Variants in DENND5A observed in about 807,000 individuals in gnomAD.
The protein encoded by DENND5A is DENN domain-containing protein 5A.
DENND5A carries 64 observed loss-of-function variants against 140.3 expected under a neutral mutation model. That is an observed-to-expected ratio of 0.46 (90% CI 0.37 to 0.56). DENND5A has a LOEUF of 0.56. Ranked by LOEUF, DENND5A falls within the 20% of genes least tolerant of loss-of-function variation. The pLI is 0.00. For missense variants in DENND5A, 1,292 were observed against 1,593.8 expected, an observed-to-expected ratio of 0.81 and a Z score of 3.22; for synonymous variants, 605 against 607.7, an observed-to-expected ratio of 1.00 and a Z score of 0.07.
intron 5 of DENND5A, among the ~76,000 whole-genome samples, chr11:9,188,005 C>A (rs1848977867): frequency 6.6e-6 from 1 of 152,136 alleles, no homozygotes; most frequent in Admixed American, 6.5e-5. Flanking sequence ...TGATGATGCC[C>A]CCTTATACGG....
intron 1 of DENND5A, among the ~76,000 whole-genome samples, chr11:9,257,545 G>C (rs1367500574): frequency 7.3e-6 from 1 of 137,066 alleles, no homozygotes; most frequent in Non-Finnish European, 1.5e-5. Context: ...GCACTGGCTC[G>C]ATCTCGGCTC....
chr11:9,241,306 C>T (rs947292920), intron 1 of DENND5A, among the ~76,000 whole-genome samples: 1 of 152,160 alleles, frequency 6.6e-6, no homozygotes, highest in African/African-American at 2.4e-5. Flanking sequence ...GGCTTGTTAA[C>T]ATACAGGTTT....
At chr11:9,225,880 G>C (rs943617061) in intron 1 of DENND5A, among the ~76,000 whole-genome samples, 1 of 152,146 alleles carries the variant, frequency 6.6e-6, no homozygotes, top group African/African-American at 2.4e-5. Context: ...AGCCCAGGAG[G>C]TCAAGACCAG....
At chr11:9,216,687 T>C (rs746370676) in intron 1 of DENND5A, among the ~76,000 whole-genome samples, 1 of 152,158 alleles carries the variant, frequency 6.6e-6, no homozygotes, top group African/African-American at 2.4e-5. Flanking sequence ...GGAGGATGGC[T>C]TGAGGCCAGG....
intron 1 of DENND5A, among the ~76,000 whole-genome samples, chr11:9,211,221 G>A (rs1233371596): frequency 6.6e-6 from 1 of 152,146 alleles, no homozygotes; most frequent in African/African-American, 2.4e-5. Context: ...CAGCAGCTGG[G>A]AAGTGAAAGA....
At chr11:9,224,053 G>C (rs1850432285) in intron 1 of DENND5A, among the ~76,000 whole-genome samples, 1 of 152,154 alleles carries the variant, frequency 6.6e-6, no homozygotes, top group African/African-American at 2.4e-5. Context: ...AATTAGCCAG[G>C]TGTGGTGGCG....
At chr11:9,193,889 C>T (rs950551124) in intron 4 of DENND5A, among the ~76,000 whole-genome samples, 2 of 152,154 alleles carry the variant, frequency 1.3e-5, no homozygotes. Context: ...TTGAAATAAA[C>T]CTACACACAC....
At chr11:9,193,076 C>T (rs186510346) in intron 5 of DENND5A, among the ~76,000 whole-genome samples, 1 of 151,782 alleles carries the variant, frequency 6.6e-6, no homozygotes, top group East Asian at 1.9e-4. Context: ...CATAAAAAAA[C>T]AATTAGCTGG....
At position 9,203,677 on chromosome 11, in the gene DENND5A, A is replaced by G; in HGVS notation, c.932T>C (p.Ile311Thr). Reference sequence around the variant, plus strand: ...TGACTTACGCTGTGAGTAGAGCAGGATTTGAAACTCCAGAAGGGCACAAGT... The same window carrying G: ...TGACTTACGCTGTGAGTAGAGCAGGGTTTGAAACTCCAGAAGGGCACAAGT... Reference protein sequence around the residue: ...LFTCALLEFQILLYSQHYQRL... With the variant: ...LFTCALLEFQTLLYSQHYQRL... Residue 311 changes from isoleucine to threonine, a missense_variant, in exon 4 of 23, where the codon ATC becomes ACC. Ile to Thr is a moderately conservative substitution (Grantham distance 89). Coordinates refer to ENST00000328194, the MANE Select transcript of DENND5A (RefSeq NM_015213.4). The G allele has an allele frequency of 6.2e-7, 1 of 1,613,598 alleles. No homozygotes were observed.
intron 1 of DENND5A, among the ~76,000 whole-genome samples, chr11:9,255,427 A>G (rs944825191): frequency 1.3e-5 from 2 of 152,096 alleles, no homozygotes; most frequent in African/African-American, 4.8e-5. Context: ...CGTCTCTACA[A>G]AAAAATTAAA....
At chr11:9,175,867 C>T (rs1848530855) in intron 8 of DENND5A, among the ~76,000 whole-genome samples, 1 of 152,144 alleles carries the variant, frequency 6.6e-6, no homozygotes, top group Non-Finnish European at 1.5e-5. Context: ...AAAACTTCTA[C>T]AGGGAAATAT....
At chr11:9,234,133 G>A (rs1235716009) in intron 1 of DENND5A, among the ~76,000 whole-genome samples, 9 of 151,132 alleles carry the variant, frequency 6.0e-5, no homozygotes, top group Middle Eastern at 6.8e-3. Flanking sequence ...AGCCATGATC[G>A]TGCCACTGCA....
intron 5 of DENND5A, among the ~76,000 whole-genome samples, chr11:9,181,689 T>C (rs764435974): frequency 6.6e-6 from 1 of 152,100 alleles, no homozygotes; most frequent in South Asian, 2.1e-4. Context: ...CAGTGAGCCA[T>C]GATCACACCA....
Position 9,197,551 on chromosome 11 carries a change from C to T in DENND5A, c.950-3870G>A, listed in dbSNP as rs546458833. On this transcript the variant is annotated intron_variant, in intron 4 of 22. Coordinates refer to ENST00000328194, the MANE Select transcript of DENND5A (RefSeq NM_015213.4). Reference sequence around the variant, plus strand: ...CTCTGCTAAAAATACAAAAATTAGCCAGGTGTGGTTGCACGTACCTGTAGT... The same window carrying T: ...CTCTGCTAAAAATACAAAAATTAGCTAGGTGTGGTTGCACGTACCTGTAGT... 6.6e-5 allele frequency among the ~76,000 whole-genome samples: 10 copies of T among 151,350 alleles called. No individual in the cohort carries two copies. The East Asian group carries it at 1.6e-3, about 24-fold the overall frequency.
intron 1 of DENND5A, among the ~76,000 whole-genome samples, chr11:9,247,549 G>A (rs1263389056): frequency 6.6e-6 from 1 of 150,978 alleles, no homozygotes; most frequent in African/African-American, 2.4e-5. Flanking sequence ...CAAGGAGAGA[G>A]ACACCTAGTG....
intron 1 of DENND5A, among the ~76,000 whole-genome samples, chr11:9,247,264 A>G (rs1039068939): frequency 1.3e-5 from 2 of 149,658 alleles, no homozygotes; most frequent in Non-Finnish European, 3.0e-5. Context: ...CCTGCAAGCC[A>G]CTGGGGAGGC....
At chr11:9,180,705 C>G in intron 6 of DENND5A, 62 bp downstream of exon 6, 2 of 1,519,856 alleles carry the variant, frequency 1.3e-6, no homozygotes, top group African/African-American at 1.4e-5. Context: ...CCATACCTTA[C>G]TTCACCAGGA....
intron 4 of DENND5A, among the ~76,000 whole-genome samples, chr11:9,203,315 G>A (rs2136210710): frequency 1.3e-5 from 2 of 152,272 alleles, no homozygotes; most frequent in South Asian, 2.1e-4. Flanking sequence ...CTGAGGAAGA[G>A]GCAGAAATAA....
At chr11:9,164,073 T>TTTTTTG (rs1848094463) in intron 11 of DENND5A, among the ~76,000 whole-genome samples, 1 of 137,588 alleles carries the variant, frequency 7.3e-6, no homozygotes, top group African/African-American at 2.7e-5. Flanking sequence ...TTTTTTTTTT[T>TTTTTTG]TTTTTTTTTT....
Sources: gnomAD v4.1 joint callset for allele counts (sites outside exome capture counted in the v4.1 genomes callset) on GRCh38, gnomAD v4.1.1 for gene constraint, MANE v1.5 for transcripts, NCBI Gene and HGNC (gene_info 2026-07-23, HGNC 2026-07-21) for gene names.